The following HOATZ variants were observed in gnomAD, a reference collection of about 807,000 sequenced individuals.
HOATZ encodes HOATZ cilia and flagella associated protein.
HOATZ carries 26 observed loss-of-function variants against 24.9 expected under a neutral mutation model. That is an observed-to-expected ratio of 1.04 (90% CI 0.76 to 1.45). The LOEUF (loss-of-function observed/expected upper bound fraction) is 1.45. Among genes scored for constraint, HOATZ ranks in the 40% most tolerant of loss-of-function variants. The probability of loss-of-function intolerance (pLI) is 0.00; values close to 1 mark genes in which losing one functional copy is unlikely to be tolerated. For missense variants in HOATZ, 226 were observed against 201.5 expected (o/e 1.12, Z -0.74); for synonymous variants, 83 against 76.6 (o/e 1.08, Z -0.43).
chr11:111,535,484 A>T (rs1462468948), intron 5 of HOATZ: 1 of 152,196 alleles, frequency 6.6e-6, no homozygotes, highest in Non-Finnish European at 1.5e-5. Context: ...TCCTGCTACT[A>T]CCCATGCTGA....
Position 111,521,220 on chromosome 11 carries a change from C to T in HOATZ, c.339+5110C>T, listed in dbSNP as rs141230653. Among the ~76,000 whole-genome samples, 358 of 151,864 alleles carry T rather than the reference C, an allele frequency of 2.4e-3. 5 individuals are homozygous for T. The highest frequency in any genetic ancestry group is 2.5e-3 in the Non-Finnish European group (173 of 67,976). On this transcript the variant is annotated intron_variant, in intron 3 of 5. Transcript: ENST00000375618. ...GCTAATACCTACTTGTATTGAAATGCGGTCTGTATTCTCAGAAGAAAAAAA... is the reference window on the plus strand; with the variant it reads ...GCTAATACCTACTTGTATTGAAATGTGGTCTGTATTCTCAGAAGAAAAAAA...
At chr11:111,527,263 C>A (rs894495556) in intron 3 of HOATZ, among the ~76,000 whole-genome samples, 1 of 152,080 alleles carries the variant, frequency 6.6e-6, no homozygotes, top group Non-Finnish European at 1.5e-5. Context: ...ACATTTTTTT[C>A]TTCCTCACAA....
intron 3 of HOATZ, among the ~76,000 whole-genome samples, chr11:111,529,696 A>C (rs1591557791): frequency 6.6e-6 from 1 of 152,134 alleles, no homozygotes; most frequent in Non-Finnish European, 1.5e-5. Context: ...TCAGTCCAAA[A>C]ATTTCAATCA....
intron 3 of HOATZ, among the ~76,000 whole-genome samples, chr11:111,517,045 T>C (rs926888482): frequency 6.6e-6 from 1 of 152,222 alleles, no homozygotes; most frequent in Non-Finnish European, 1.5e-5. Context: ...TGGCTGAATA[T>C]CTTTAATCAT....
intron 3 of HOATZ, among the ~76,000 whole-genome samples, chr11:111,523,374 G>C (rs529210175): frequency 1.3e-5 from 2 of 152,120 alleles, no homozygotes; most frequent in South Asian, 2.1e-4. Context: ...GTTTCATATT[G>C]ATAAATCAGC....
intron 3 of HOATZ, among the ~76,000 whole-genome samples, chr11:111,529,403 C>T (rs371677715): frequency 6.6e-6 from 1 of 151,924 alleles, no homozygotes; most frequent in Non-Finnish European, 1.5e-5. Context: ...CTCACTCTGT[C>T]GCCAGGCTGG....
At chr11:111,529,199 A>G (rs929009637) in intron 3 of HOATZ, among the ~76,000 whole-genome samples, 11 of 152,156 alleles carry the variant, frequency 7.2e-5, no homozygotes, top group African/African-American at 2.4e-4. Context: ...CAGGTTCAAA[A>G]TAAGCATTAG....
intron 3 of HOATZ, among the ~76,000 whole-genome samples, chr11:111,532,408 TA>T (rs1359286581): frequency 2.6e-5 from 4 of 152,176 alleles, no homozygotes; most frequent in Non-Finnish European, 5.9e-5. Context: ...GATGAGGCCA[TA>T]GTGGAGTAGG....
chr11:111,515,995 C>A, intron 2 of HOATZ, 45 bp from the exon 3 acceptor site: 1 of 1,253,274 alleles, frequency 8.0e-7, no homozygotes, highest in Non-Finnish European at 1.1e-6. Flanking sequence ...AGTATAAAAT[C>A]ATAATAAAAT....
chr11:111,534,451 G>A lies in HOATZ; in HGVS notation c.439G>A (p.Glu147Lys). 3.1e-6 allele frequency: 5 copies of A among 1,610,714 alleles called. No homozygotes were observed. Among genetic ancestry groups the A allele is most frequent in the Non-Finnish European group, 4.2e-6 (5 of 1,177,052 alleles). The change falls in exon 5 of 6, where the codon GAA becomes AAA. Residue 147 changes from glutamate (E) to lysine (K), a missense_variant. Transcript: ENST00000375618. ...ISLPYKPKAK[E>K]HKAKKVVSES... Reference sequence around the variant, plus strand: ...CCTTCCGTATAAACCAAAAGCCAAAGAACACAAAGCAAAGTAAGTTTACCT... The same window carrying A: ...CCTTCCGTATAAACCAAAAGCCAAAAAACACAAAGCAAAGTAAGTTTACCT...
chr11:111,515,669 A>C, intron 2 of HOATZ, 117 bp downstream of exon 2: 1 of 862,346 alleles, frequency 1.2e-6, no homozygotes, highest in Non-Finnish European at 1.9e-6. Flanking sequence ...TTGAACACCT[A>C]AGTCCCTGCT....
chr11:111,536,390 A>C (rs1273457973), intron 5 of HOATZ: 1 of 171,050 alleles, frequency 5.8e-6, no homozygotes, highest in African/African-American at 2.4e-5. Context: ...GGAACCGGAA[A>C]ATGTGTTCAT....
At chr11:111,533,831 A>G in intron 4 of HOATZ, 26 bp downstream of exon 4, 1 of 1,524,828 alleles carries the variant, frequency 6.6e-7, no homozygotes, top group Non-Finnish European at 8.8e-7. Flanking sequence ...AGGCATTTGG[A>G]TAATCTATCT....
intron 3 of HOATZ, among the ~76,000 whole-genome samples, chr11:111,524,004 G>C (rs1867302466): frequency 6.6e-6 from 1 of 152,102 alleles, no homozygotes; most frequent in Non-Finnish European, 1.5e-5. Flanking sequence ...AAGGACCATG[G>C]CTTTTTTGAC....
At chr11:111,531,359 G>C (rs1185002107) in intron 3 of HOATZ, among the ~76,000 whole-genome samples, 1 of 152,132 alleles carries the variant, frequency 6.6e-6, no homozygotes, top group Non-Finnish European at 1.5e-5. Flanking sequence ...GCACTGCTAA[G>C]CTCTAAGGAA....
rs529135598 is a variant in HOATZ at position 111,521,925 on chromosome 11, G to C, written c.339+5815G>C. On this transcript the variant is annotated intron_variant, in intron 3 of 5. Transcript: ENST00000375618. Reference sequence around the variant, plus strand: ...GTAAAATCATAATTGGGAGAGGAATGAGATTTGGGATCAAATAGCTGAATT... The same window carrying C: ...GTAAAATCATAATTGGGAGAGGAATCAGATTTGGGATCAAATAGCTGAATT... 3.3e-5 allele frequency among the ~76,000 whole-genome samples: 5 copies of C among 152,284 alleles called. No individual in the cohort carries two copies. In the South Asian group the frequency reaches 1.0e-3, roughly 32 times the overall value.
intron 3 of HOATZ, chr11:111,524,741 A>G (rs966977736): frequency 1.6e-5 from 6 of 367,030 alleles, no homozygotes; most frequent in East Asian, 1.5e-4. Context: ...CCTAACTATG[A>G]TTATTTTGAC....
chr11:111,533,720 A>C, intron 3 of HOATZ, 26 bp from the exon 4 acceptor site: 1 of 1,547,420 alleles, frequency 6.5e-7, no homozygotes, highest in Non-Finnish European at 8.8e-7. Flanking sequence ...GAATCGAGAC[A>C]CCCACTTTTT....
At chr11:111,518,956 A>G (rs1239473868) in intron 3 of HOATZ, 2 of 452,032 alleles carry the variant, frequency 4.4e-6, no homozygotes, top group East Asian at 1.4e-4. Flanking sequence ...GTATTTGTAC[A>G]GTCTCTGATG....
Sources: allele counts gnomAD v4.1 joint callset (sites outside exome capture counted in the v4.1 genomes callset), GRCh38; gene constraint gnomAD v4.1.1; transcripts MANE v1.5; gene names NCBI Gene and HGNC (gene_info 2026-07-23, HGNC 2026-07-21).